Variants in DTD1 observed in about 807,000 individuals in gnomAD.
The protein encoded by DTD1 is D-aminoacyl-tRNA deacylase 1, also known as D-tyrosyl-tRNA deacylase 1 homolog.
A neutral mutation model predicts 25.6 loss-of-function variants in DTD1; 13 were observed. The ratio of observed to expected loss-of-function variants is 0.51; its 90% CI spans 0.33 to 0.81. The LOEUF is 0.81. Ranked by LOEUF, DTD1 falls within the 30% of genes least tolerant of loss-of-function variation. The pLI, the probability that DTD1 is intolerant of heterozygous loss-of-function variation, is 0.02. For synonymous variants in DTD1, 110 were observed against 103.6 expected, an observed-to-expected ratio of 1.06 and a Z score of -0.37; for missense variants, 193 against 266.4, an observed-to-expected ratio of 0.72 and a Z score of 1.92.
intron 4 of DTD1, among the ~76,000 whole-genome samples, chr20:18,684,921 T>A (rs1018526483): frequency 6.6e-6 from 1 of 151,606 alleles, no homozygotes; most frequent in Non-Finnish European, 1.5e-5. Context: ...TTTTTTTTTT[T>A]AATTAGAGAT....
intron 4 of DTD1, among the ~76,000 whole-genome samples, chr20:18,741,626 A>T (rs2061278502): frequency 6.6e-6 from 1 of 152,108 alleles, no homozygotes; most frequent in Non-Finnish European, 1.5e-5. Context: ...AGCTATGTAG[A>T]GTATTATTTT....
intron 4 of DTD1, among the ~76,000 whole-genome samples, chr20:18,730,360 T>C (rs2061235867): frequency 6.6e-6 from 1 of 152,208 alleles, no homozygotes; most frequent in Non-Finnish European, 1.5e-5. Flanking sequence ...AGCATATACT[T>C]AGTGCTTTAA....
chr20:18,736,178 G>A (rs900051437), intron 4 of DTD1, among the ~76,000 whole-genome samples: 1 of 152,116 alleles, frequency 6.6e-6, no homozygotes, highest in Non-Finnish European at 1.5e-5. Context: ...GGTAAACTTG[G>A]GTGTTCCTGA....
At chr20:18,711,919 T>G in intron 4 of DTD1, among the ~76,000 whole-genome samples, 2 of 146,192 alleles carry the variant, frequency 1.4e-5, no homozygotes, top group South Asian at 2.4e-4. Flanking sequence ...GGGGTGGGGG[T>G]TGCCGGGGGT....
At chr20:18,706,560 TGGGCCTTCTTTAAGGGTGGAGAACCC>T (rs1486580373) in intron 4 of DTD1, among the ~76,000 whole-genome samples, 2 of 152,118 alleles carry the variant, frequency 1.3e-5, no homozygotes, top group Non-Finnish European at 2.9e-5. Flanking sequence ...AAAGGCAAAT[TGGGCCTTCTTTAAGGGTGGAGAACCC>T]ACTACCTCTA....
intron 4 of DTD1, among the ~76,000 whole-genome samples, chr20:18,660,023 A>G (rs1400971574): frequency 1.3e-5 from 2 of 152,006 alleles, no homozygotes; most frequent in African/African-American, 4.8e-5. Flanking sequence ...ACTTGAGGTC[A>G]GAAGAGGAGT....
chr20:18,760,896 C>G (rs1022725677), intron 5 of DTD1, among the ~76,000 whole-genome samples: 1 of 152,358 alleles, frequency 6.6e-6, no homozygotes, highest in Admixed American at 6.5e-5. Flanking sequence ...GTTCGAGCTT[C>G]CCGGCCGCTT....
At chr20:18,703,973 A>AACAT (rs2061115784) in intron 4 of DTD1, among the ~76,000 whole-genome samples, 1 of 151,572 alleles carries the variant, frequency 6.6e-6, no homozygotes, top group Non-Finnish European at 1.5e-5. Flanking sequence ...AGGGTAGATT[A>AACAT]ACATAAGTAA....
intron 4 of DTD1, among the ~76,000 whole-genome samples, chr20:18,641,204 A>G (rs2060826803): frequency 6.6e-6 from 1 of 152,124 alleles, no homozygotes; most frequent in Admixed American, 6.5e-5. Context: ...GCCACAGAAT[A>G]TTCTCTTGTA....
intron 3 of DTD1, among the ~76,000 whole-genome samples, chr20:18,626,168 C>T (rs1487982667): frequency 1.3e-5 from 2 of 152,220 alleles, no homozygotes; most frequent in African/African-American, 4.8e-5. Context: ...CTGTGCTGGG[C>T]TGTGTACTAA....
chr20:18,642,494 C>T (rs1230166220), intron 4 of DTD1, among the ~76,000 whole-genome samples: 1 of 151,952 alleles, frequency 6.6e-6, no homozygotes, highest in Admixed American at 6.6e-5. Context: ...GTTTCAATCT[C>T]CTGGGCTCAA....
At chr20:18,685,986 G>T (rs1354863663) in intron 4 of DTD1, among the ~76,000 whole-genome samples, 1 of 152,162 alleles carries the variant, frequency 6.6e-6, no homozygotes, top group East Asian at 1.9e-4. Flanking sequence ...GAGCCTGTAG[G>T]GCCTTTGCAT....
chr20:18,653,474 A>AT (rs2060881373), intron 4 of DTD1, among the ~76,000 whole-genome samples: 1 of 152,222 alleles, frequency 6.6e-6, no homozygotes, highest in Admixed American at 6.5e-5. Context: ...TGAAAGTAAT[A>AT]TGTTGATTTT....
chr20:18,629,826 G>A (rs951048742), intron 4 of DTD1, among the ~76,000 whole-genome samples: 13 of 152,078 alleles, frequency 8.5e-5, no homozygotes, highest in African/African-American at 1.9e-4. Flanking sequence ...ATCTTCACAT[G>A]GCCAGAGCAG....
intron 3 of DTD1, among the ~76,000 whole-genome samples, chr20:18,615,602 G>A (rs571079113): frequency 6.6e-6 from 1 of 152,338 alleles, no homozygotes; most frequent in African/African-American, 2.4e-5. Flanking sequence ...TAGTGGAGAA[G>A]GGCAACCTTT....
At chr20:18,686,646 CTGTGTGTG>C (rs56350174) in intron 4 of DTD1, among the ~76,000 whole-genome samples, 14 of 148,938 alleles carry the variant, frequency 9.4e-5, no homozygotes, top group Non-Finnish European at 1.8e-4. Flanking sequence ...TATTTATTAG[CTGTGTGTG>C]TGTGTGTGTG....
chr20:18,741,152 G>A (rs1460852251), intron 4 of DTD1, among the ~76,000 whole-genome samples: 2 of 152,184 alleles, frequency 1.3e-5, no homozygotes, highest in African/African-American at 4.8e-5. Context: ...AACTAAAATT[G>A]TACTTTCTCA....
At chr20:18,593,954 G>T (rs1600304283) in intron 2 of DTD1, 133 bp downstream of exon 2, 1 of 695,000 alleles carries the variant, frequency 1.4e-6, no homozygotes. Flanking sequence ...GATGTAGTAT[G>T]GTTATCTCCG....
intron 4 of DTD1, among the ~76,000 whole-genome samples, chr20:18,729,854 T>C (rs2061234332): frequency 6.6e-6 from 1 of 152,150 alleles, no homozygotes; most frequent in African/African-American, 2.4e-5. Context: ...TCCTGCCCCT[T>C]ATGTTCATCA....
Sources: allele counts gnomAD v4.1 joint callset (sites outside exome capture counted in the v4.1 genomes callset), GRCh38; gene constraint gnomAD v4.1.1; transcripts MANE v1.5; gene names NCBI Gene and HGNC (gene_info 2026-07-23, HGNC 2026-07-21).